The following RADIL variants were observed in gnomAD, a reference collection of about 807,000 sequenced individuals.
RADIL encodes the protein ras-associating and dilute domain-containing protein.
In RADIL, 99 loss-of-function variants were observed where a neutral mutation model predicts 97.6. The observed-to-expected ratio is 1.01, with a 90% confidence interval of 0.86 to 1.20. The LOEUF (loss-of-function observed/expected upper bound fraction) is 1.20. Ranked by LOEUF, RADIL falls within the 50% of genes most tolerant of loss-of-function variation. RADIL has a pLI of 0.00. For synonymous variants in RADIL, 803 were observed against 691.8 expected, an observed-to-expected ratio of 1.16 and a Z score of -2.52; for missense variants, 1,765 against 1,498.9, an observed-to-expected ratio of 1.18 and a Z score of -2.93.
At chr7:4,826,233 A>G (rs1043374521) in intron 5 of RADIL, among the ~76,000 whole-genome samples, 1 of 152,072 alleles carries the variant, frequency 6.6e-6, no homozygotes, top group East Asian at 1.9e-4. Flanking sequence ...ATTAAATTAA[A>G]TGAAGTAAAA....
intron 4 of RADIL, 115 bp from the exon 5 acceptor site, chr7:4,832,293 G>C: frequency 2.1e-6 from 2 of 973,202 alleles, no homozygotes; most frequent in Admixed American, 4.0e-5. Flanking sequence ...CAGGCATCCT[G>C]TGTGACGCTG....
At chr7:4,801,080 G>A (rs139991581) in intron 12 of RADIL, among the ~76,000 whole-genome samples, 2,756 of 151,800 alleles carry the variant, frequency 0.018, 36 homozygotes, top group Middle Eastern at 0.051. Flanking sequence ...ATGCACACGT[G>A]CACTTACACC....
chr7:4,870,824 C>T (rs1784235783), intron 2 of RADIL, among the ~76,000 whole-genome samples: 1 of 152,192 alleles, frequency 6.6e-6, no homozygotes, highest in Non-Finnish European at 1.5e-5. Flanking sequence ...CTGTCAGTGG[C>T]CCCTTATGGA....
chr7:4,859,737 A>C, intron 2 of RADIL: 1 of 592,354 alleles, frequency 1.7e-6, no homozygotes, highest in Admixed American at 3.1e-5. Flanking sequence ...GGGATACCGG[A>C]AAGATCTATA....
At position 4,805,680 on chromosome 7, in the gene RADIL, G is replaced by C. The variant is rs761384968; in HGVS notation, c.2176C>G (p.Leu726Val). 3.1e-6 allele frequency: 5 copies of C among 1,611,592 alleles called. No individual in the cohort carries two copies. Among genetic ancestry groups the C allele is most frequent in the African/African-American group, 2.7e-5 (2 of 74,950 alleles). ...AGCCGGTGCAGCTGTGCTGGGCTCA[G>C]TGCGGGGAACGCAGCCCGCAGGGCT... ...WTALRAAFPALSPAQLHRLLT... is the reference protein window; with the variant it reads ...WTALRAAFPAVSPAQLHRLLT... Residue 726 changes from leucine (L) to valine (V), a missense_variant, in exon 10 of 15, where the codon CTG (leucine) becomes GTG (valine). Coordinates refer to ENST00000399583, the MANE Select transcript of RADIL (RefSeq NM_018059.5).
Position 4,815,576 on chromosome 7 carries a change from G to A in RADIL, c.1967-126C>T, listed in dbSNP as rs1311073676. ...TGAGGACATCACAGCTCGATGACAG[G>A]CAGGACACCTTCCCTCGGTTTTCAA... On this transcript the variant is annotated intron_variant, in intron 8 of 14. Transcript: ENST00000399583. This position sits in a 1 kb window ranked among gnomAD's most constrained non-coding sequence, Gnocchi z 8.0. The A allele has an allele frequency of 4.8e-6, 5 of 1,049,178 alleles. No homozygotes were observed. The highest frequency in any genetic ancestry group is 1.9e-5 in the South Asian group (1 of 52,174). 65.0% of individuals were successfully genotyped at this position (1,049,178 alleles called of 1,614,324 possible).
chr7:4,833,529 G>A (rs1201691621), intron 4 of RADIL, among the ~76,000 whole-genome samples: 2 of 152,126 alleles, frequency 1.3e-5, no homozygotes, highest in African/African-American at 4.8e-5. Flanking sequence ...CAACACCCAC[G>A]GTGCACAGAG....
rs1783661811 is a variant in RADIL, at chr7:4,849,689, A to G, written c.536-13084T>C. Among the ~76,000 whole-genome samples the G allele has an allele frequency of 6.6e-6, 1 of 152,168 alleles. No homozygotes were observed. The highest frequency in any genetic ancestry group is 2.1e-4 in the South Asian group (1 of 4,822). ...CCACATCACCAATCCTCTTGAGGAC[A>G]AAGAAAATGATACTGTGTGGGGAGT... On this transcript the variant is annotated intron_variant, in intron 2 of 14. Coordinates refer to ENST00000399583, the MANE Select transcript of RADIL (RefSeq NM_018059.5). The surrounding 1 kb of genome is among the most constrained non-coding windows in gnomAD (Gnocchi z 5.4).
rs1040877373 is a variant in RADIL, at chr7:4,814,765, G to A, written c.2139+513C>T. Reference sequence around the variant, plus strand: ...GGAGGATCTGTCTCCCTGCTCTTCCGGTTGCTGTCAGAATTCAGTTCCTGT... The same window carrying A: ...GGAGGATCTGTCTCCCTGCTCTTCCAGTTGCTGTCAGAATTCAGTTCCTGT... On this transcript the variant is annotated intron_variant, in intron 9 of 14. Coordinates refer to ENST00000399583, the MANE Select transcript of RADIL (RefSeq NM_018059.5). This position sits in a 1 kb window ranked among gnomAD's most constrained non-coding sequence, Gnocchi z 4.5. Among the ~76,000 whole-genome samples the A allele has an allele frequency of 2.6e-5, 4 of 152,190 alleles. No homozygotes were observed. The highest frequency in any genetic ancestry group is 3.9e-4 in the East Asian group (2 of 5,192).
At chr7:4,803,819 C>T (rs1237646787) in intron 10 of RADIL, 65 bp from the exon 11 acceptor site, 16 of 1,431,362 alleles carry the variant, frequency 1.1e-5, no homozygotes, top group Non-Finnish European at 1.5e-5. Context: ...CAGGCCGCCC[C>T]GCCCAACGGT....
chr7:4,804,979 A>C (rs1271150691), intron 10 of RADIL, among the ~76,000 whole-genome samples: 1 of 151,998 alleles, frequency 6.6e-6, no homozygotes, highest in Admixed American at 6.6e-5. Context: ...CTGTAATCCC[A>C]GCTACTAGGG....
At chr7:4,859,747 A>G in intron 2 of RADIL, 1 of 617,684 alleles carries the variant, frequency 1.6e-6, no homozygotes, top group Non-Finnish European at 2.9e-6. Context: ...AAAGATCTAT[A>G]CTGATGTTCC....
chr7:4,815,498 G>A lies in RADIL; in HGVS notation c.1967-48C>T, dbSNP rs1055797148. On this transcript the variant is annotated intron_variant, in intron 8 of 14. Transcript: ENST00000399583. This position sits in a 1 kb window ranked among gnomAD's most constrained non-coding sequence, Gnocchi z 8.0. ...TGATGCCTGGGCTGCCCTCCTGGGGGGACACAGACATGGGCCTGTCCCCAG... is the reference window on the plus strand; with the variant it reads ...TGATGCCTGGGCTGCCCTCCTGGGGAGACACAGACATGGGCCTGTCCCCAG... 22 of 1,447,330 alleles carry A rather than the reference G, an allele frequency of 1.5e-5. No homozygotes were observed. Among genetic ancestry groups the A allele is most frequent in the African/African-American group, 7.1e-5 (5 of 70,394 alleles). 89.7% of individuals were successfully genotyped at this position (1,447,330 alleles called of 1,614,324 possible).
At chr7:4,858,777 T>C (rs1334769165) in intron 2 of RADIL, 1 of 152,404 alleles carries the variant, frequency 6.6e-6, no homozygotes, top group African/African-American at 2.4e-5. Context: ...TTTGGTGTTT[T>C]GTGCCATGTG....
At position 4,883,405 on chromosome 7, in the gene RADIL, C is replaced by G. The variant is rs1378339226; in HGVS notation, c.-65+191G>C. Among the ~76,000 whole-genome samples, 1 of 152,070 alleles carries G rather than the reference C, an allele frequency of 6.6e-6. No individual in the cohort carries two copies. Among genetic ancestry groups the G allele is most frequent in the African/African-American group, 2.4e-5 (1 of 41,428 alleles). On this transcript the variant is annotated intron_variant, in intron 1 of 14. Coordinates refer to ENST00000399583, the MANE Select transcript of RADIL (RefSeq NM_018059.5). The surrounding 1 kb of genome is among the most constrained non-coding windows in gnomAD (Gnocchi z 7.1). ...TCCGGGTACCGCCCCCCGGTCCAGG[C>G]CGGGGCCCGACAGCCAGTCGGTTCC...
At position 4,822,547 on chromosome 7, in the gene RADIL, G is replaced by A. The variant is rs1488690538; in HGVS notation, c.1462C>T (p.Pro488Ser). The change falls in exon 6 of 15, where the codon CCC becomes TCC. Residue 488 changes from proline (P) to serine (S), a missense_variant. Transcript: ENST00000399583. The surrounding 1 kb of genome is among the most constrained non-coding windows in gnomAD (Gnocchi z 5.3). ...LAEKQAQLQE[P>S]ISLASCAMAD... ...ATGGCGCAGCTGGCCAGCGAGATGGGCTCCTGGCTACCAAGACAGAAAGAC... is the reference window on the plus strand; with the variant it reads ...ATGGCGCAGCTGGCCAGCGAGATGGACTCCTGGCTACCAAGACAGAAAGAC... The A allele has an allele frequency of 2.5e-6, 4 of 1,612,700 alleles. No individual in the cohort carries two copies. The highest frequency in any genetic ancestry group is 1.3e-5 in the African/African-American group (1 of 75,048).
chr7:4,860,761 G>A (rs765103998), intron 2 of RADIL: 26 of 1,614,020 alleles, frequency 1.6e-5, no homozygotes, highest in African/African-American at 2.7e-5. Context: ...GCAAAATCTC[G>A]TGTGTGATAG....
chr7:4,831,608 A>G (rs1444712475), intron 5 of RADIL, among the ~76,000 whole-genome samples: 2 of 149,246 alleles, frequency 1.3e-5, no homozygotes, highest in African/African-American at 2.5e-5. Flanking sequence ...AGCCAGGCAC[A>G]GTGGCTCACG....
rs1782659846 is a variant in RADIL at position 4,815,714 on chromosome 7, G to A, written c.1967-264C>T. On this transcript the variant is annotated intron_variant, in intron 8 of 14. Coordinates refer to ENST00000399583, the MANE Select transcript of RADIL (RefSeq NM_018059.5). This position sits in a 1 kb window ranked among gnomAD's most constrained non-coding sequence, Gnocchi z 8.0. Reference sequence around the variant, plus strand: ...TGACTCCACAGTGCAGCCCCTAGCTGGGACCCTCTCCCACTCCCAGACACA... The same window carrying A: ...TGACTCCACAGTGCAGCCCCTAGCTAGGACCCTCTCCCACTCCCAGACACA... 6.6e-6 allele frequency among the ~76,000 whole-genome samples: 1 copy of A among 152,142 alleles called. No homozygotes were observed. The highest frequency in any genetic ancestry group is 1.5e-5 in the Non-Finnish European group (1 of 68,000).
Sources: allele counts gnomAD v4.1 joint callset (sites outside exome capture counted in the v4.1 genomes callset), GRCh38; gene constraint gnomAD v4.1.1; non-coding constraint Gnocchi (gnomAD v3.1); transcripts MANE v1.5; gene names NCBI Gene and HGNC (gene_info 2026-07-23, HGNC 2026-07-21).